DEGS2: variants seen among roughly 807,000 people sequenced by gnomAD.
DEGS2 encodes delta 4-desaturase, sphingolipid 2.
Under a neutral mutation model 23.8 loss-of-function variants are expected in DEGS2, and 19 were observed. That is an observed-to-expected ratio of 0.80 (90% CI 0.56 to 1.17). The LOEUF (loss-of-function observed/expected upper bound fraction) is 1.17. Among genes scored for constraint, DEGS2 ranks in the 50% most tolerant of loss-of-function variants. The pLI, the probability that DEGS2 is intolerant of heterozygous loss-of-function variation, is 0.00. For missense variants in DEGS2, 390 were observed against 459.5 expected, an observed-to-expected ratio of 0.85 and a Z score of 1.38; for synonymous variants, 218 against 213.7, an observed-to-expected ratio of 1.02 and a Z score of -0.18.
chr14:100,156,486 G>C (rs952839735), intron 1 of DEGS2, among the ~76,000 whole-genome samples: 2 of 152,218 alleles, frequency 1.3e-5, no homozygotes, highest in Non-Finnish European at 2.9e-5. Flanking sequence ...CGTTTAATCT[G>C]CACAGCAGCC....
chr14:100,158,691 G>A (rs1595280501), intron 1 of DEGS2, among the ~76,000 whole-genome samples: 1 of 152,134 alleles, frequency 6.6e-6, no homozygotes, highest in African/African-American at 2.4e-5. Flanking sequence ...TAGGCAGGGC[G>A]GGAGGGGCGG....
intron 1 of DEGS2, among the ~76,000 whole-genome samples, chr14:100,158,105 A>C (rs1889688224): frequency 6.8e-6 from 1 of 147,866 alleles, no homozygotes; most frequent in African/African-American, 2.4e-5. Flanking sequence ...AAAAAAAAAA[A>C]AAAAAAGTTG....
chr14:100,159,820 T>C (rs1889723431), upstream of DEGS2: 2 of 308,122 alleles, frequency 6.5e-6, no homozygotes, highest in African/African-American at 4.4e-5. Context: ...GTTGCCTCGG[T>C]TGGAAATGGG....
rs1031111061 is a variant in DEGS2 at position 100,148,217 on chromosome 14, G to A, written c.825+751C>T. Among the ~76,000 whole-genome samples, 45 of 152,344 alleles carry A rather than the reference G, an allele frequency of 3.0e-4. No individual in the cohort carries two copies. In the Middle Eastern group the frequency reaches 0.01, roughly 35 times the overall value. On this transcript the variant is annotated intron_variant, in intron 2 of 2. Transcript: ENST00000305631. The stretch of plus-strand genomic sequence containing the variant: ...GGCACACATGCAAATGCCTGCGCAC[G>A]TGGGCAGGCACCCACACATAATCAC...
In DEGS2 at chr14:100,148,953, A is replaced by T; in HGVS notation, c.825+15T>A. 6.2e-7 allele frequency: 1 copy of T among 1,608,444 alleles called. No individual in the cohort carries two copies. Among genetic ancestry groups the T allele is most frequent in the Non-Finnish European group, 8.5e-7 (1 of 1,177,066 alleles). On this transcript the variant is annotated intron_variant, in intron 2 of 2. Transcript: ENST00000305631. ...AGCCCTGCCCCGCCGCAGCCCTGCC[A>T]GCCCAGCCACATACCAGCGGCAGGT... is the stretch of plus-strand genomic sequence containing the variant.
In DEGS2 at chr14:100,144,448, ACG is replaced by A. The variant is rs1442035194; in HGVS notation, c.*2311_*2312del. The A allele has an allele frequency of 6.6e-6, 1 of 152,302 alleles. No homozygotes were observed. Among genetic ancestry groups the A allele is most frequent in the Non-Finnish European group, 1.5e-5 (1 of 68,122 alleles). 9.4% of individuals were successfully genotyped at this position (152,302 alleles called of 1,614,324 possible). ...AGGTCCTGCCTGTAGGGAACTCCCT[ACG>A]GGATCTCCAGGAAGATGGTCCCTCA... On this transcript the variant is annotated 3_prime_UTR_variant, in exon 3 of 3. Transcript: ENST00000305631.
upstream of DEGS2, among the ~76,000 whole-genome samples, chr14:100,161,934 G>C (rs886170986): frequency 2.2e-5 from 3 of 138,948 alleles, no homozygotes; most frequent in Non-Finnish European, 4.6e-5. Context: ...GCTGGGCGTG[G>C]TGGCAGGCAC....
At position 100,149,010 on chromosome 14, in the gene DEGS2, C is replaced by T. The variant is rs577344796; in HGVS notation, c.783G>A (p.Glu261=). The T allele has an allele frequency of 1.9e-6, 3 of 1,612,828 alleles. No homozygotes were observed. Among genetic ancestry groups the T allele is most frequent in the Admixed American group, 1.7e-5 (1 of 60,026 alleles). Residue 261 remains glutamate, a synonymous_variant, in exon 2 of 3, where the codon GAG becomes GAA. Transcript: ENST00000305631. ...WITFNVGYHV[E]HHDFPSIPGY... ...CCGGGATGCTGGGGAAGTCGTGGTG[C>T]TCCACGTGGTAGCCCACATTGAAGG...
the DEGS2 span, among the ~76,000 whole-genome samples, chr14:100,166,875 G>A: frequency 1.3e-5 from 2 of 152,208 alleles, no homozygotes; most frequent in African/African-American, 2.4e-5. Flanking sequence ...TGTAATCCCA[G>A]CACTTTGAGA....
chr14:100,159,323 G>A (rs1474152629), intron 1 of DEGS2, among the ~76,000 whole-genome samples, 183 bp downstream of exon 1: 16 of 152,182 alleles, frequency 1.1e-4, no homozygotes, highest in Non-Finnish European at 1.5e-5. Context: ...TTTCAGACCC[G>A]GCCAGGGTGG....
intron 2 of DEGS2, among the ~76,000 whole-genome samples, chr14:100,147,663 C>CA (rs1889475736): frequency 6.8e-6 from 1 of 146,370 alleles, no homozygotes; most frequent in South Asian, 2.2e-4. Flanking sequence ...TCCCTGCCCC[C>CA]CCCCCCCAGG....
rs1595271879 is a variant in DEGS2 at position 100,145,475 on chromosome 14, G to C, written c.*1286C>G. ...CGGCGCTGTGCGGGGCCACTCCCAG[G>C]TATAGGGGGAGACCTGCATCTCCCA... On this transcript the variant is annotated 3_prime_UTR_variant, in exon 3 of 3. Transcript: ENST00000305631. 6.6e-6 allele frequency: 1 copy of C among 152,298 alleles called. No individual in the cohort carries two copies. The highest frequency in any genetic ancestry group is 2.4e-5 in the African/African-American group (1 of 41,450). The allele number at this position is 152,298 out of a possible 1,614,324, so 9.4% of individuals were successfully genotyped here. A position where few individuals can be genotyped will look rare whatever the true frequency, so the allele number is the denominator to read the frequency against.
intron 1 of DEGS2, among the ~76,000 whole-genome samples, chr14:100,157,079 C>T (rs1320972719): frequency 3.9e-5 from 6 of 152,198 alleles, no homozygotes; most frequent in Non-Finnish European, 8.8e-5. Context: ...CCTGTGGCTT[C>T]CCTCTTTAGA....
the DEGS2 span, among the ~76,000 whole-genome samples, chr14:100,165,155 C>T: frequency 2.0e-5 from 3 of 152,188 alleles, no homozygotes; most frequent in East Asian, 5.8e-4. Flanking sequence ...CCCACTACCT[C>T]CTCTGTCTCT....
chr14:100,151,235 G>A (rs148739625), intron 1 of DEGS2, among the ~76,000 whole-genome samples: 1 of 152,372 alleles, frequency 6.6e-6, no homozygotes, highest in African/African-American at 2.4e-5. Context: ...GCACTCAGTA[G>A]GCACAAGCTG....
intron 2 of DEGS2, among the ~76,000 whole-genome samples, chr14:100,147,954 G>A (rs1237577523): frequency 2.0e-5 from 3 of 152,178 alleles, no homozygotes; most frequent in African/African-American, 4.8e-5. Flanking sequence ...GATAATGGAT[G>A]AGGAGGCAGC....
At chr14:100,166,314 AGCCTGCCCGGGGCTGTGGGGG>A in the DEGS2 span, among the ~76,000 whole-genome samples, 146 of 16,070 alleles carry the variant, frequency 9.1e-3, 21 homozygotes, top group African/African-American at 0.02. Flanking sequence ...GCTGTGGGGG[AGCCTGCCCGGGGCTGTGGGGG>A]AGCCTGCCCG....
Position 100,149,383 on chromosome 14 carries a change from C to T in DEGS2, c.410G>A (p.Gly137Asp). ...GGGCACGTCCACGTCCAGCCCGTCG[C>T]CGCCCAGGTAGCGGTGGTGGTCCAC... ...YHVDHHRYLGGDGLDVDVPTR... is the reference protein window; with the variant it reads ...YHVDHHRYLGDDGLDVDVPTR... The change falls in exon 2 of 3, where the codon GGC (glycine) becomes GAC (aspartate). Residue 137 changes from glycine to aspartate, a missense_variant. Physicochemically the swap from Gly to Asp is moderately conservative, Grantham distance 94 (BLOSUM62 -1). Transcript: ENST00000305631. The T allele has an allele frequency of 3.1e-6, 5 of 1,605,282 alleles. No homozygotes were observed. Among genetic ancestry groups the T allele is most frequent in the Non-Finnish European group, 4.3e-6 (5 of 1,174,870 alleles).
At position 100,144,051 on chromosome 14, in the gene DEGS2, C is replaced by T; in HGVS notation, c.*2710G>A. 4.9e-6 allele frequency: 2 copies of T among 408,822 alleles called. No homozygotes were observed. Among genetic ancestry groups the T allele is most frequent in the South Asian group, 6.7e-5 (2 of 29,670 alleles). 25.3% of individuals were successfully genotyped at this position (408,822 alleles called of 1,614,324 possible). A position where few individuals can be genotyped will look rare whatever the true frequency, so the allele number is the denominator to read the frequency against. ...GTCACCTGCTTCATTAGACGGTTTC[C>T]AGGTTTTCTCCCAGGTGACGCTGTT... On this transcript the variant is annotated 3_prime_UTR_variant, in exon 3 of 3. Coordinates refer to ENST00000305631, the MANE Select transcript of DEGS2 (RefSeq NM_206918.3).
Sources: gnomAD v4.1 joint callset for allele counts (sites outside exome capture counted in the v4.1 genomes callset) on GRCh38, gnomAD v4.1.1 for gene constraint, MANE v1.5 for transcripts, NCBI Gene and HGNC (gene_info 2026-07-23, HGNC 2026-07-21) for gene names.